Variants in LRBA observed in about 807,000 individuals in gnomAD.
LRBA encodes the protein LPS responsive beige-like anchor protein.
A neutral mutation model predicts 330.0 loss-of-function variants in LRBA; 176 were observed. The ratio of observed to expected loss-of-function variants is 0.53; its 90% CI spans 0.47 to 0.60. LRBA has a LOEUF of 0.60. Among genes scored for constraint, LRBA ranks in the 20% least tolerant of loss-of-function variants. The pLI is 0.00. For synonymous variants in LRBA, 1,230 were observed against 1,193.0 expected (o/e 1.03, Z -0.64); for missense variants, 3,259 against 3,444.8 (o/e 0.95, Z 1.35).
At chr4:150,830,711 TA>T (rs1167597753) in intron 29 of LRBA, among the ~76,000 whole-genome samples, 1 of 151,912 alleles carries the variant, frequency 6.6e-6, no homozygotes, top group East Asian at 1.9e-4. Flanking sequence ...AAACACTGAT[TA>T]TCCTTGCCCT....
intron 2 of LRBA, among the ~76,000 whole-genome samples, chr4:150,988,377 T>C (rs905857462): frequency 2.6e-5 from 4 of 152,176 alleles, no homozygotes; most frequent in African/African-American, 9.7e-5. Flanking sequence ...CAAAGTTTTG[T>C]AACCTTAATT....
intron 2 of LRBA, among the ~76,000 whole-genome samples, chr4:150,966,544 T>A (rs986928655): frequency 2.0e-5 from 3 of 150,184 alleles, no homozygotes; most frequent in African/African-American, 7.4e-5. Flanking sequence ...GCCAGGATGA[T>A]CTTGATCTCC....
intron 2 of LRBA, among the ~76,000 whole-genome samples, chr4:150,950,901 T>C (rs72721704): frequency 1.1e-3 from 167 of 152,332 alleles, no homozygotes; most frequent in Non-Finnish European, 1.7e-3. Flanking sequence ...ACTGAGAATG[T>C]GAGCTAAGTC....
At chr4:150,561,624 T>C (rs1434659620) in intron 40 of LRBA, among the ~76,000 whole-genome samples, 1 of 152,062 alleles carries the variant, frequency 6.6e-6, no homozygotes, top group Non-Finnish European at 1.5e-5. Flanking sequence ...GGAAAACATC[T>C]AGAAGTTGGA....
intron 40 of LRBA, among the ~76,000 whole-genome samples, chr4:150,559,938 ATC>A (rs1768092745): frequency 2.8e-5 from 3 of 106,610 alleles, no homozygotes; most frequent in Non-Finnish European, 5.3e-5. Context: ...ATATATATAT[ATC>A]TATATAAATA....
chr4:150,339,933 C>A (rs996725688), intron 48 of LRBA, among the ~76,000 whole-genome samples: 3 of 151,568 alleles, frequency 2.0e-5, no homozygotes, highest in African/African-American at 7.3e-5. Context: ...ACAATCCCCA[C>A]ATCGTGAGAA....
chr4:150,603,666 A>AT (rs1300942774), intron 37 of LRBA, among the ~76,000 whole-genome samples: 3 of 151,814 alleles, frequency 2.0e-5, no homozygotes, highest in Admixed American at 6.6e-5. Context: ...AATCTGGCTA[A>AT]TTTTTTTTAT....
chr4:150,499,120 C>G (rs1046540064), intron 40 of LRBA, among the ~76,000 whole-genome samples: 4 of 152,130 alleles, frequency 2.6e-5, no homozygotes, highest in Non-Finnish European at 5.9e-5. Flanking sequence ...ACTGCTTTGG[C>G]TAAATTTCTA....
At chr4:150,787,944 T>G (rs534190107) in intron 34 of LRBA, among the ~76,000 whole-genome samples, 1 of 152,212 alleles carries the variant, frequency 6.6e-6, no homozygotes, top group Non-Finnish European at 1.5e-5. Flanking sequence ...TCCTTTCTTT[T>G]GGATATATAC....
chr4:150,656,997 T>C (rs1051177846), intron 37 of LRBA, among the ~76,000 whole-genome samples: 1 of 152,174 alleles, frequency 6.6e-6, no homozygotes, highest in Non-Finnish European at 1.5e-5. Flanking sequence ...TTGACATCAA[T>C]GTTGTAAGAG....
chr4:150,867,893 T>C (rs1752930441), intron 21 of LRBA, 30 bp from the exon 22 acceptor site: 3 of 1,517,058 alleles, frequency 2.0e-6, no homozygotes, highest in Admixed American at 4.1e-5. Context: ...ACTAAATTAC[T>C]GAAGAAAAAA....
intron 56 of LRBA, among the ~76,000 whole-genome samples, chr4:150,271,688 A>G (rs1472895278): frequency 1.3e-5 from 2 of 152,184 alleles, no homozygotes; most frequent in African/African-American, 4.8e-5. Context: ...AGCGTCCGCC[A>G]TTGGTGAGGC....
intron 53 of LRBA, among the ~76,000 whole-genome samples, chr4:150,293,326 C>G (rs1449664473): frequency 6.6e-6 from 1 of 152,158 alleles, no homozygotes; most frequent in Non-Finnish European, 1.5e-5. Flanking sequence ...TTTCTTAAAC[C>G]TTTTCCATTA....
At chr4:150,815,113 G>A (rs1744370623) in intron 31 of LRBA, among the ~76,000 whole-genome samples, 1 of 151,854 alleles carries the variant, frequency 6.6e-6, no homozygotes, top group Non-Finnish European at 1.5e-5. Flanking sequence ...AATGTACTTT[G>A]AATTTCTGAA....
chr4:150,490,837 A>G (rs992358234), intron 41 of LRBA, 81 bp downstream of exon 41: 10 of 689,720 alleles, frequency 1.4e-5, no homozygotes, highest in Non-Finnish European at 2.4e-5. Flanking sequence ...ATCTAAATTG[A>G]AGCAATATGG....
intron 35 of LRBA, among the ~76,000 whole-genome samples, chr4:150,740,907 A>T (rs1249787790): frequency 6.6e-6 from 1 of 152,102 alleles, no homozygotes; most frequent in African/African-American, 2.4e-5. Context: ...TAAAAGACTT[A>T]TAAGTAAGAT....
chr4:150,644,004 G>A lies in LRBA; in HGVS notation c.5921+39547C>T, dbSNP rs1174603189. ...CATACTAATGTAGCTATAGATGACC[G>A]TGTTTCAAATGTCACACATATAGCC... On this transcript the variant is annotated intron_variant, in intron 37 of 56. Coordinates refer to ENST00000651943, the MANE Select transcript of LRBA (RefSeq NM_001364905.1). Among the ~76,000 whole-genome samples, 11 of 151,914 alleles carry A rather than the reference G, an allele frequency of 7.2e-5. No homozygotes were observed. The East Asian group carries it at 2.1e-3, about 29-fold the overall frequency.
At chr4:150,752,302 A>C (rs1056545815) in intron 35 of LRBA, among the ~76,000 whole-genome samples, 1 of 152,086 alleles carries the variant, frequency 6.6e-6, no homozygotes, top group Non-Finnish European at 1.5e-5. Context: ...CTCACCCAGC[A>C]CATCCAATAA....
chr4:150,601,821 A>G (rs923427306), intron 37 of LRBA, among the ~76,000 whole-genome samples: 6 of 146,778 alleles, frequency 4.1e-5, no homozygotes, highest in Non-Finnish European at 9.3e-5. Flanking sequence ...CCTCCCGAGT[A>G]CCTGGGACTA....
Sources: allele counts gnomAD v4.1 joint callset (sites outside exome capture counted in the v4.1 genomes callset), GRCh38; gene constraint gnomAD v4.1.1; transcripts MANE v1.5; gene names NCBI Gene and HGNC (gene_info 2026-07-23, HGNC 2026-07-21).